Variants in OR5V1 observed in about 807,000 individuals in gnomAD.
The protein encoded by OR5V1 is olfactory receptor 5V1.
For missense variants in OR5V1, 365 were observed against 371.5 expected (o/e 0.98, Z 0.14); for synonymous variants, 134 against 143.2 (o/e 0.94, Z 0.46).
rs1778279966 is a variant in OR5V1, at chr6:29,356,014, T to C, written c.182A>G (p.Tyr61Cys). 2 of 1,613,968 alleles carry C rather than the reference T, an allele frequency of 1.2e-6. No homozygotes were observed. Among genetic ancestry groups the C allele is most frequent in the East Asian group, 2.2e-5 (1 of 44,872 alleles). ...AATAAAGGCCAAGTTCCCTAGAAAA[T>C]AATACATAGGTGTATGCAGGTGTGG... is the stretch of plus-strand genomic sequence containing the variant. ...TDPHLHTPMYYFLGNLAFIDI... is the reference protein window; with the variant it reads ...TDPHLHTPMYCFLGNLAFIDI... The change falls in exon 2 of 2, where the codon TAT (tyrosine) becomes TGT (cysteine). Residue 61 changes from tyrosine to cysteine, a missense_variant. Physicochemically the swap from Tyr to Cys is radical, Grantham distance 194. Coordinates refer to ENST00000641768, the MANE Select transcript of OR5V1 (RefSeq NM_030876.6).
In OR5V1 at chr6:29,355,894, A is replaced by T; in HGVS notation, c.302T>A (p.Leu101His). 1 of 1,614,100 alleles carries T rather than the reference A, an allele frequency of 6.2e-7. No homozygotes were observed. The highest frequency in any genetic ancestry group is 8.5e-7 in the Non-Finnish European group (1 of 1,179,984). The change falls in exon 2 of 2, where the codon CTT becomes CAT. Residue 101 changes from leucine to histidine, a missense_variant. Physicochemically the swap from Leu to His is moderately conservative, Grantham distance 99. Transcript: ENST00000641768. ...SISYVGCVVQ[L>H]FAFVFFVGSE... is the part of the protein sequence containing the mutation. Reference sequence around the variant, plus strand: ...TCCTACAAAGAAAACAAATGCAAAAAGTTGAACCACACACCCCACATAAGA... The same window carrying T: ...TCCTACAAAGAAAACAAATGCAAAATGTTGAACCACACACCCCACATAAGA...
rs367548046 is a variant in OR5V1, at chr6:29,355,453, A to T, written c.743T>A (p.Val248Asp). ...FSTCASHLAI[V>D]FLFYGSAIFT... Reference sequence around the variant, plus strand: ...GATGGCGCTGCCATAAAAGAGAAAGACAATGGCCAGGTGGGAGGCACATGT... The same window carrying T: ...GATGGCGCTGCCATAAAAGAGAAAGTCAATGGCCAGGTGGGAGGCACATGT... Residue 248 changes from valine to aspartate, a missense_variant, in exon 2 of 2, where the codon GTC becomes GAC. Physicochemically the swap from Val to Asp is radical, Grantham distance 152 (BLOSUM62 -3). Transcript: ENST00000641768. 15 of 1,613,930 alleles carry T rather than the reference A, an allele frequency of 9.3e-6. No individual in the cohort carries two copies. The highest frequency in any genetic ancestry group is 1.0e-5 in the Non-Finnish European group (12 of 1,179,942).
chr6:29,364,892 C>T, intron 1 of OR5V1, among the ~76,000 whole-genome samples: 1 of 150,620 alleles, frequency 6.6e-6, no homozygotes, highest in Non-Finnish European at 1.5e-5. Flanking sequence ...ACCAAAACAG[C>T]ATGATACTGG....
In OR5V1 at chr6:29,355,040, A is replaced by G; in HGVS notation, c.*190T>C. ...ATGGAAAAATAAATAAGAAGATAAT[A>G]TCTAAAGAGAGCAACATTGATATCT... On this transcript the variant is annotated 3_prime_UTR_variant, in exon 2 of 2. Transcript: ENST00000641768. 1 of 470,594 alleles carries G rather than the reference A, an allele frequency of 2.1e-6. No homozygotes were observed. Among genetic ancestry groups the G allele is most frequent in the Non-Finnish European group, 3.6e-6 (1 of 277,070 alleles). The allele number at this position is 470,594 out of a possible 1,614,324, so 29.2% of individuals were successfully genotyped here.
intron 1 of OR5V1, among the ~76,000 whole-genome samples, chr6:29,357,723 T>C (rs988949999): frequency 5.3e-5 from 8 of 152,288 alleles, no homozygotes; most frequent in African/African-American, 1.9e-4. Flanking sequence ...ATGTTTGTGT[T>C]ATTAAAAGAT....
intron 1 of OR5V1, among the ~76,000 whole-genome samples, chr6:29,361,614 T>C (rs1463487100): frequency 2.6e-5 from 4 of 151,584 alleles, no homozygotes; most frequent in African/African-American, 9.7e-5. Context: ...CAGAAGAGAG[T>C]GGGGACCAAT....
Position 29,355,378 on chromosome 6 carries a change from A to G in OR5V1, c.818T>C (p.Leu273Ser), listed in dbSNP as rs1398373684. The G allele has an allele frequency of 5.0e-6, 8 of 1,613,898 alleles. No homozygotes were observed. Among genetic ancestry groups the G allele is most frequent in the Non-Finnish European group, 6.8e-6 (8 of 1,179,920 alleles). ...AACAACACTGTACAACACTGAAACCAACCTATCTTTCTTTAATGAGTAAGT... is the reference window on the plus strand; with the variant it reads ...AACAACACTGTACAACACTGAAACCGACCTATCTTTCTTTAATGAGTAAGT... ...ISTYSLKKDR[L>S]VSVLYSVVTP... Residue 273 changes from leucine (L) to serine (S), a missense_variant, in exon 2 of 2, where the codon TTG becomes TCG. Transcript: ENST00000641768.
chr6:29,355,510 T>C lies in OR5V1; in HGVS notation c.686A>G (p.Gln229Arg), dbSNP rs930540705. ...GGCTTTTCGTCTTCCCTCTGAGGAC[T>C]GGATCCTCAAGATGGTGGAGATTAT... ...ICIISTILRI[Q>R]SSEGRRKAFS... The change falls in exon 2 of 2, where the codon CAG (glutamine) becomes CGG (arginine). Residue 229 changes from glutamine (Q) to arginine (R), a missense_variant. Gln to Arg is a conservative substitution (Grantham distance 43). Transcript: ENST00000641768. 5 of 1,613,616 alleles carry C rather than the reference T, an allele frequency of 3.1e-6. No individual in the cohort carries two copies. The African/African-American group carries it at 6.7e-5, about 22-fold the overall frequency.
chr6:29,367,568 T>C (rs1006745883), intron 1 of OR5V1, among the ~76,000 whole-genome samples: 65 of 152,202 alleles, frequency 4.3e-4, no homozygotes, highest in African/African-American at 1.5e-3. Context: ...ACCTTACATA[T>C]TATTTTTATT....
intron 1 of OR5V1, among the ~76,000 whole-genome samples, chr6:29,361,064 T>C (rs185881621): frequency 5.3e-5 from 8 of 152,078 alleles, no homozygotes; most frequent in Admixed American, 2.6e-4. Context: ...AACCGCTAAC[T>C]AGAAGTTTAG....
At chr6:29,359,319 T>G (rs9257776) in intron 1 of OR5V1, among the ~76,000 whole-genome samples, 2,777 of 152,170 alleles carry the variant, frequency 0.018, 37 homozygotes, top group East Asian at 0.032. Flanking sequence ...AGTAAAAAAT[T>G]TTAAAATAAG....
intron 1 of OR5V1, among the ~76,000 whole-genome samples, chr6:29,366,572 T>C (rs1562935635): frequency 6.6e-6 from 1 of 152,124 alleles, no homozygotes; most frequent in Non-Finnish European, 1.5e-5. Flanking sequence ...GAATTGAACT[T>C]TCTCAGAACT....
intron 1 of OR5V1, among the ~76,000 whole-genome samples, chr6:29,363,702 G>A (rs1009054354): frequency 5.3e-5 from 8 of 151,992 alleles, no homozygotes; most frequent in African/African-American, 1.9e-4. Flanking sequence ...AAAACCACAT[G>A]ATTATCTCAA....
Position 29,355,250 on chromosome 6 carries a change from C to G in OR5V1, c.946G>C (p.Asp316His), listed in dbSNP as rs1409302207. The G allele has an allele frequency of 2.2e-5, 35 of 1,599,452 alleles. No individual in the cohort carries two copies. The highest frequency in any genetic ancestry group is 2.9e-5 in the Non-Finnish European group (34 of 1,175,230). ...GAGGTTCAATAAGTGAGTTTACTAT[C>G]CAAAGAGGAAATTGGTGGCTGCCAC... ...SKWQPPISSLDSKLTY is the reference protein window; with the variant it reads ...SKWQPPISSLHSKLTY The change falls in exon 2 of 2, where the codon GAT (aspartate) becomes CAT (histidine). Residue 316 changes from aspartate to histidine, a missense_variant. By Grantham distance (81) the Asp-to-His change is moderately conservative. Transcript: ENST00000641768.
chr6:29,359,780 G>C (rs886836048), intron 1 of OR5V1, among the ~76,000 whole-genome samples: 2 of 152,138 alleles, frequency 1.3e-5, no homozygotes, highest in African/African-American at 4.8e-5. Flanking sequence ...TTTGCAATCC[G>C]CAGACCAGGA....
intron 1 of OR5V1, among the ~76,000 whole-genome samples, chr6:29,356,871 G>A (rs796914826): frequency 2.7e-4 from 41 of 151,972 alleles, no homozygotes; most frequent in African/African-American, 7.7e-4. Flanking sequence ...TTAATTTTCC[G>A]TGGCAATACA....
rs1310244094 is a variant in OR5V1 at position 29,356,103 on chromosome 6, G to GA, written c.92dup (p.Phe32LeufsTer21). ...CCAAAGTACAGAAATAAGTCAGAAA[G>GA]AAGATGGTGAATAGTAAAAACTGCA... On this transcript the variant is annotated frameshift_variant, in exon 2 of 2. Coordinates refer to ENST00000641768, the MANE Select transcript of OR5V1 (RefSeq NM_030876.6). LOFTEE classifies it low-confidence loss of function (END_TRUNC). 6.2e-7 allele frequency: 1 copy of GA among 1,613,656 alleles called. No individual in the cohort carries two copies. The highest frequency in any genetic ancestry group is 1.3e-5 in the African/African-American group (1 of 74,880).
chr6:29,355,983 G>T lies in OR5V1; in HGVS notation c.213C>A (p.Ile71=). The T allele has an allele frequency of 6.2e-7, 1 of 1,614,048 alleles. No individual in the cohort carries two copies. The highest frequency in any genetic ancestry group is 1.1e-5 in the South Asian group (1 of 91,080). The part of the protein sequence containing the change: ...YFLGNLAFID[I]CYTTSNVPQM... ...GGGGGACATTGCTGGTGGTGTAGCA[G>T]ATGTCAATAAAGGCCAAGTTCCCTA... Residue 71 remains isoleucine, a synonymous_variant, in exon 2 of 2, where the codon ATC becomes ATA. Transcript: ENST00000641768.
At position 29,355,915 on chromosome 6, in the gene OR5V1, TAAG is replaced by T; in HGVS notation, c.278_280del (p.Ser93del). The stretch of plus-strand genomic sequence containing the variant: ...AAAAAGTTGAACCACACACCCCACA[TAAG>T]AAATGCTTTTTTTCTTTGAGAGGAG... On this transcript the variant is annotated inframe_deletion, in exon 2 of 2. Coordinates refer to ENST00000641768, the MANE Select transcript of OR5V1 (RefSeq NM_030876.6). The T allele has an allele frequency of 6.2e-7, 1 of 1,614,016 alleles. No homozygotes were observed. The highest frequency in any genetic ancestry group is 8.5e-7 in the Non-Finnish European group (1 of 1,179,942).
Sources: allele counts gnomAD v4.1 joint callset (sites outside exome capture counted in the v4.1 genomes callset), GRCh38; gene constraint gnomAD v4.1.1; transcripts MANE v1.5; gene names NCBI Gene and HGNC (gene_info 2026-07-23, HGNC 2026-07-21).